The following SEMA3A variants were observed in gnomAD, a reference collection of about 807,000 sequenced individuals.
SEMA3A encodes the protein semaphorin-3A.
Under a neutral mutation model 97.9 loss-of-function variants are expected in SEMA3A, and 29 were observed. The observed-to-expected ratio is 0.30, with a 90% CI of 0.22 to 0.40. The LOEUF is 0.40. Among genes scored for constraint, SEMA3A ranks in the 10% least tolerant of loss-of-function variants. The pLI, the probability that SEMA3A is intolerant of heterozygous loss-of-function variation, is 1.00. For missense variants in SEMA3A, 763 were observed against 951.3 expected, an observed-to-expected ratio of 0.80 and a Z score of 2.60; for synonymous variants, 321 against 323.7, an observed-to-expected ratio of 0.99 and a Z score of 0.09.
intron 3 of SEMA3A, among the ~76,000 whole-genome samples, chr7:84,249,848 T>TA (rs1799565817): frequency 6.6e-6 from 1 of 150,460 alleles, no homozygotes; most frequent in Admixed American, 6.6e-5. Context: ...TCAAGTGAGG[T>TA]AAAAAATAAG....
At chr7:84,184,744 A>G (rs188168010) in intron 1 of SEMA3A, among the ~76,000 whole-genome samples, 1 of 152,306 alleles carries the variant, frequency 6.6e-6, no homozygotes, top group African/African-American at 2.4e-5. Flanking sequence ...AAGAAACAGA[A>G]TAGAAACATT....
At chr7:84,307,414 T>A (rs1801188058) in intron 2 of SEMA3A, 1 of 152,152 alleles carries the variant, frequency 6.6e-6, no homozygotes, top group Non-Finnish European at 1.5e-5. Context: ...CCCTCTATCT[T>A]GTGTGGGATA....
At chr7:84,403,172 C>G (rs896893258) in intron 1 of SEMA3A, among the ~76,000 whole-genome samples, 3 of 152,140 alleles carry the variant, frequency 2.0e-5, no homozygotes, top group Non-Finnish European at 4.4e-5. Context: ...ACAGATGGCA[C>G]CTGGAAAATC....
chr7:84,441,044 G>C (rs991542491), intron 1 of SEMA3A, among the ~76,000 whole-genome samples: 1 of 152,116 alleles, frequency 6.6e-6, no homozygotes, highest in East Asian at 1.9e-4. Flanking sequence ...TGTAATCCCA[G>C]CTACTGGAGA....
chr7:84,073,465 A>G (rs1212394851), intron 4 of SEMA3A, among the ~76,000 whole-genome samples: 4 of 152,206 alleles, frequency 2.6e-5, no homozygotes, highest in Non-Finnish European at 4.4e-5. Context: ...GAATACATAC[A>G]TATATTAAAA....
At position 84,050,759 on chromosome 7, in the gene SEMA3A, G is replaced by A. The variant is rs561344405; in HGVS notation, c.548-4316C>T. ...TTGGCTTTTGTTGCCATGGCTTTTG[G>A]TGTTTTAGACATGAAGTCCTTGCCC... On this transcript the variant is annotated intron_variant, in intron 5 of 16. Transcript: ENST00000265362. 7.2e-5 allele frequency among the ~76,000 whole-genome samples: 11 copies of A among 152,250 alleles called. No individual in the cohort carries two copies. In the South Asian group the frequency reaches 2.3e-3, roughly 32 times the overall value.
chr7:84,243,810 A>C (rs10223946), intron 3 of SEMA3A, among the ~76,000 whole-genome samples: 11,339 of 152,120 alleles, frequency 0.075, 610 homozygotes, highest in African/African-American at 0.16. Flanking sequence ...CTTTGTTGTC[A>C]TTGGTTTCAA....
intron 1 of SEMA3A, among the ~76,000 whole-genome samples, chr7:84,148,440 A>G (rs1796530415): frequency 6.6e-6 from 1 of 152,172 alleles, no homozygotes. Flanking sequence ...AAGAATTTCT[A>G]ATGAACAGCA....
chr7:84,135,629 T>C (rs1294425983), intron 1 of SEMA3A, among the ~76,000 whole-genome samples: 2 of 152,152 alleles, frequency 1.3e-5, no homozygotes, highest in African/African-American at 4.8e-5. Flanking sequence ...TTCCAAGCCA[T>C]TAGATAGAAG....
intron 2 of SEMA3A, among the ~76,000 whole-genome samples, chr7:84,345,975 T>A (rs1196780231): frequency 6.6e-6 from 1 of 152,356 alleles, no homozygotes; most frequent in Admixed American, 6.5e-5. Flanking sequence ...AGTTTTTTCA[T>A]CTGCATTGAA....
chr7:84,437,820 G>A (rs1318584431), intron 1 of SEMA3A, among the ~76,000 whole-genome samples: 1 of 151,880 alleles, frequency 6.6e-6, no homozygotes, highest in Admixed American at 6.6e-5. Flanking sequence ...ATAATCAGTA[G>A]TATATAGATG....
intron 3 of SEMA3A, among the ~76,000 whole-genome samples, chr7:84,209,135 A>T (rs191415527): frequency 1.1e-3 from 171 of 152,330 alleles, no homozygotes; most frequent in African/African-American, 4.0e-3. Context: ...TTTGTTACAT[A>T]TACCTGCATA....
intron 5 of SEMA3A, among the ~76,000 whole-genome samples, chr7:84,051,273 G>A (rs1225116002): frequency 6.6e-6 from 1 of 151,958 alleles, no homozygotes; most frequent in East Asian, 1.9e-4. Context: ...TGATGGGGAT[G>A]GCATTGAATC....
chr7:84,271,685 C>T (rs760041060), intron 3 of SEMA3A, among the ~76,000 whole-genome samples: 15 of 152,036 alleles, frequency 9.9e-5, no homozygotes, highest in Non-Finnish European at 1.9e-4. Context: ...CACCAACTCT[C>T]TTTTATGTTG....
chr7:84,384,517 CAG>C (rs1803351521), intron 1 of SEMA3A, among the ~76,000 whole-genome samples: 1 of 152,000 alleles, frequency 6.6e-6, no homozygotes, highest in African/African-American at 2.4e-5. Flanking sequence ...TAAAAAATGT[CAG>C]AGACTGAATA....
intron 1 of SEMA3A, among the ~76,000 whole-genome samples, chr7:84,446,544 T>C (rs763141975): frequency 1.1e-4 from 17 of 152,114 alleles, no homozygotes; most frequent in Non-Finnish European, 2.2e-4. Flanking sequence ...GTAATACACG[T>C]AGACAGAGTA....
chr7:84,373,272 T>C (rs1391204679), intron 1 of SEMA3A, among the ~76,000 whole-genome samples: 2 of 152,194 alleles, frequency 1.3e-5, no homozygotes, highest in African/African-American at 4.8e-5. Flanking sequence ...TATTCCATAA[T>C]AGCTCTTCAA....
intron 1 of SEMA3A, among the ~76,000 whole-genome samples, chr7:84,153,611 T>G (rs1796746692): frequency 6.6e-6 from 1 of 152,192 alleles, no homozygotes; most frequent in Non-Finnish European, 1.5e-5. Flanking sequence ...GAATCTTTCC[T>G]TAAATGTATT....
At chr7:84,348,032 G>T (rs867293774) in intron 2 of SEMA3A, among the ~76,000 whole-genome samples, 1 of 152,060 alleles carries the variant, frequency 6.6e-6, no homozygotes, top group Non-Finnish European at 1.5e-5. Context: ...TAGTAGAAGT[G>T]GGTGTGTGGG....
Sources: gnomAD v4.1 joint callset for allele counts (sites outside exome capture counted in the v4.1 genomes callset) on GRCh38, gnomAD v4.1.1 for gene constraint, MANE v1.5 for transcripts, NCBI Gene and HGNC (gene_info 2026-07-23, HGNC 2026-07-21) for gene names.